Variants in GAS7 observed in about 807,000 individuals in gnomAD.
GAS7 encodes the protein growth arrest specific 7.
GAS7 carries 28 observed loss-of-function variants against 71.1 expected under a neutral mutation model. That is an observed-to-expected ratio of 0.39 (90% CI 0.29 to 0.54). The LOEUF (loss-of-function observed/expected upper bound fraction) is 0.54. GAS7 is among the 20% of genes least tolerant of loss of function. The pLI, the probability that GAS7 is intolerant of heterozygous loss-of-function variation, is 0.62. For missense variants in GAS7, 436 were observed against 627.8 expected (o/e 0.69, Z 3.27); for synonymous variants, 258 against 245.8 (o/e 1.05, Z -0.46).
Position 9,969,132 on chromosome 17 carries a change from T to C in GAS7, c.471+545A>G, listed in dbSNP as rs549636899. The stretch of plus-strand genomic sequence containing the variant: ...GTGACCTCATGCATACCTTGAGTTG[T>C]TACTGACGCCTAACTCACATGTTTG... On this transcript the variant is annotated intron_variant, in intron 4 of 13. Transcript: ENST00000432992. This position sits in a 1 kb window ranked among gnomAD's most constrained non-coding sequence, Gnocchi z 5.5. 2.6e-5 allele frequency among the ~76,000 whole-genome samples: 4 copies of C among 152,336 alleles called. No individual in the cohort carries two copies. Among genetic ancestry groups the C allele is most frequent in the Admixed American group, 2.6e-4 (4 of 15,298 alleles).
At chr17:10,038,526 C>G (rs185795603) in intron 1 of GAS7, among the ~76,000 whole-genome samples, 97 of 152,198 alleles carry the variant, frequency 6.4e-4, no homozygotes, top group Non-Finnish European at 1.2e-3. Context: ...TATGGTCCAG[C>G]AATTCCATTA....
At chr17:10,005,273 A>G (rs1462762854) in intron 2 of GAS7, among the ~76,000 whole-genome samples, 3 of 149,140 alleles carry the variant, frequency 2.0e-5, no homozygotes, top group African/African-American at 5.1e-5. Flanking sequence ...ACATGTATGT[A>G]TATGTATATA....
At chr17:10,079,768 A>G (rs1469395552) in intron 1 of GAS7, among the ~76,000 whole-genome samples, 1 of 152,234 alleles carries the variant, frequency 6.6e-6, no homozygotes, top group East Asian at 1.9e-4. Context: ...TGACACGGTC[A>G]TGGTCACTCA....
At chr17:9,996,601 G>A (rs2152151958) in intron 2 of GAS7, among the ~76,000 whole-genome samples, 1 of 150,106 alleles carries the variant, frequency 6.7e-6, no homozygotes, top group African/African-American at 2.4e-5. Flanking sequence ...ATATGTGTGT[G>A]TGTGTGTGTA....
At chr17:9,925,439 G>A (rs773121500) in intron 11 of GAS7, 37 bp downstream of exon 11, 15 of 1,611,692 alleles carry the variant, frequency 9.3e-6, no homozygotes, top group Non-Finnish European at 1.2e-5. Context: ...CTCCTTCTGT[G>A]TGCACTGACC....
At chr17:10,119,310 T>C (rs2073887175) in intron 1 of GAS7, among the ~76,000 whole-genome samples, 1 of 152,256 alleles carries the variant, frequency 6.6e-6, no homozygotes, top group South Asian at 2.1e-4. Context: ...CTAGCTCTTC[T>C]GCTCACTGTA....
At chr17:9,955,891 C>CTTTA (rs2069214579) in intron 5 of GAS7, among the ~76,000 whole-genome samples, 1 of 152,178 alleles carries the variant, frequency 6.6e-6, no homozygotes. Flanking sequence ...GAGTGACACC[C>CTTTA]CCATCGCTCC....
chr17:9,981,349 T>C lies in GAS7; in HGVS notation c.385+455A>G, dbSNP rs890445385. Among the ~76,000 whole-genome samples, 2 of 152,022 alleles carry C rather than the reference T, an allele frequency of 1.3e-5. No homozygotes were observed. The highest frequency in any genetic ancestry group is 2.9e-5 in the Non-Finnish European group (2 of 68,020). ...GTCCATCTCAACTGCCTCTGCTTGA[T>C]TACCTTTGCAGATGGGGAACTCACA... On this transcript the variant is annotated intron_variant, in intron 3 of 13. Transcript: ENST00000432992. This position sits in a 1 kb window ranked among gnomAD's most constrained non-coding sequence, Gnocchi z 4.4.
At chr17:10,119,726 G>C (rs2320342) in intron 1 of GAS7, among the ~76,000 whole-genome samples, 14,126 of 152,196 alleles carry the variant, frequency 0.093, 755 homozygotes, top group Middle Eastern at 0.17. Context: ...CTGGTGTTAG[G>C]CCTCCTCAGC....
intron 1 of GAS7, among the ~76,000 whole-genome samples, chr17:10,049,506 G>A (rs913993809): frequency 3.3e-5 from 5 of 150,276 alleles, no homozygotes; most frequent in African/African-American, 9.8e-5. Context: ...GGGATTCTCC[G>A]GTTGTTTCAA....
Position 10,198,495 on chromosome 17 carries a change from C to T in GAS7, c.-105G>A. The T allele has an allele frequency of 1.3e-6, 1 of 776,060 alleles. No homozygotes were observed. Among genetic ancestry groups the T allele is most frequent in the Non-Finnish European group, 1.8e-6 (1 of 545,910 alleles). 48.1% of individuals were successfully genotyped at this position (776,060 alleles called of 1,614,324 possible). ...AGGCGCCCGGCGCTCCGGGCTCCCG[C>T]GCTCTGGGCGCGCGCCGTCTCTGGG... On this transcript the variant is annotated 5_prime_UTR_variant, in exon 1 of 14. Coordinates refer to ENST00000432992, the MANE Select transcript of GAS7 (RefSeq NM_201433.2).
chr17:10,102,469 C>T (rs189645040), intron 1 of GAS7, among the ~76,000 whole-genome samples: 5 of 152,172 alleles, frequency 3.3e-5, no homozygotes, highest in East Asian at 3.9e-4. Context: ...GGTGGGACTA[C>T]GCAAGGTTGG....
intron 1 of GAS7, among the ~76,000 whole-genome samples, chr17:10,113,835 A>T (rs1034522716): frequency 2.0e-5 from 3 of 152,194 alleles, no homozygotes; most frequent in African/African-American, 7.2e-5. Flanking sequence ...CAGATATCAG[A>T]CCTGAGCATA....
chr17:9,940,088 C>T, intron 8 of GAS7, 38 bp downstream of exon 8: 1 of 1,121,214 alleles, frequency 8.9e-7, no homozygotes, highest in Non-Finnish European at 1.4e-6. Flanking sequence ...CAGTGACCCC[C>T]CATCCTCCCC....
intron 2 of GAS7, among the ~76,000 whole-genome samples, chr17:10,005,324 T>TAC (rs1488449808): frequency 6.8e-6 from 1 of 146,662 alleles, no homozygotes; most frequent in East Asian, 2.1e-4. Context: ...CACACATATA[T>TAC]ATATACACAC....
intron 2 of GAS7, among the ~76,000 whole-genome samples, chr17:9,982,861 G>GC (rs201987270): frequency 4.9e-5 from 7 of 144,098 alleles, no homozygotes; most frequent in Admixed American, 3.4e-4. Flanking sequence ...AAGAAAGAAA[G>GC]AAAGAAAGCA....
At chr17:10,191,874 C>CA (rs11303007) in intron 1 of GAS7, among the ~76,000 whole-genome samples, 21,628 of 110,206 alleles carry the variant, frequency 0.2, 1,993 homozygotes, top group Non-Finnish European at 0.22. Context: ...GACTCCATCT[C>CA]AAAAAAAAAA....
At chr17:10,135,752 C>T (rs746916520) in intron 1 of GAS7, among the ~76,000 whole-genome samples, 3 of 152,132 alleles carry the variant, frequency 2.0e-5, no homozygotes, top group Non-Finnish European at 4.4e-5. Context: ...CACAGACCTC[C>T]GAACTGGGGG....
At chr17:9,946,847 C>G (rs760678094) in intron 6 of GAS7, 47 bp downstream of exon 6, 2 of 1,296,074 alleles carry the variant, frequency 1.5e-6, no homozygotes, top group South Asian at 1.2e-5. Flanking sequence ...GGTGTCCACT[C>G]CCGGTCACCG....
Sources: allele counts gnomAD v4.1 joint callset (sites outside exome capture counted in the v4.1 genomes callset), GRCh38; gene constraint gnomAD v4.1.1; non-coding constraint Gnocchi (gnomAD v3.1); transcripts MANE v1.5; gene names NCBI Gene and HGNC (gene_info 2026-07-23, HGNC 2026-07-21).